The following ZNF26 variants were observed in gnomAD, a reference collection of about 807,000 sequenced individuals.
ZNF26 encodes epididymis luminal protein 179.
In ZNF26, 32 loss-of-function variants were observed where a neutral mutation model predicts 54.9. The observed-to-expected ratio is 0.58, with a 90% CI of 0.44 to 0.78. The LOEUF is 0.78. Ranked by LOEUF, ZNF26 falls within the 30% of genes least tolerant of loss-of-function variation. The pLI is 0.00. For missense variants in ZNF26, 524 were observed against 634.0 expected, an observed-to-expected ratio of 0.83 and a Z score of 1.86; for synonymous variants, 221 against 209.2, an observed-to-expected ratio of 1.06 and a Z score of -0.49.
chr12:133,000,534 C>T (rs1953190936), intron 1 of ZNF26, among the ~76,000 whole-genome samples: 1 of 151,458 alleles, frequency 6.6e-6, no homozygotes, highest in Non-Finnish European at 1.5e-5. Flanking sequence ...ACGCCATTCT[C>T]CTGCCTCAGC....
intron 3 of ZNF26, 120 bp from the exon 4 acceptor site, chr12:133,010,016 G>C (rs1953433948): frequency 9.6e-7 from 1 of 1,046,552 alleles, no homozygotes; most frequent in African/African-American, 1.6e-5. Flanking sequence ...TTTTGAACCA[G>C]TGTGGTAGGC....
rs1953472145 is a variant in ZNF26, at chr12:133,011,509, CTG to C, written c.*29_*30del. On this transcript the variant is annotated 3_prime_UTR_variant, in exon 4 of 4. Transcript: ENST00000328654. ...AATCAGAATGATGCAATGTGAGAAA[CTG>C]ATGTTCAGGAGACTTCGGATAATAT... 4 of 1,517,548 alleles carry C rather than the reference CTG, an allele frequency of 2.6e-6. No individual in the cohort carries two copies. The highest frequency in any genetic ancestry group is 1.4e-5 in the African/African-American group (1 of 71,724). The allele number at this position is 1,517,548 out of a possible 1,614,324, so 94.0% of individuals were successfully genotyped here. A position where few individuals can be genotyped will look rare whatever the true frequency, so the allele number is the denominator to read the frequency against.
chr12:133,021,573 C>T lies in ZNF26; in HGVS notation c.*10092C>T, dbSNP rs1351048521. On this transcript the variant is annotated 3_prime_UTR_variant, in exon 4 of 4. Coordinates refer to ENST00000328654, the MANE Select transcript of ZNF26 (RefSeq NM_019591.4). Reference sequence around the variant, plus strand: ...CTGAGGTTGGGCGTTTGAGAACAACCTGGCCAACATGGTGAAACCCCCGTC... The same window carrying T: ...CTGAGGTTGGGCGTTTGAGAACAACTTGGCCAACATGGTGAAACCCCCGTC... 1.3e-5 allele frequency: 2 copies of T among 151,594 alleles called. No homozygotes were observed. The highest frequency in any genetic ancestry group is 2.9e-5 in the Non-Finnish European group (2 of 67,974). 9.4% of individuals were successfully genotyped at this position (151,594 alleles called of 1,614,324 possible). A position where few individuals can be genotyped will look rare whatever the true frequency, so the allele number is the denominator to read the frequency against.
rs1953481522 is a variant in ZNF26 at position 133,011,863 on chromosome 12, T to C, written c.*382T>C. The C allele has an allele frequency of 6.3e-6, 1 of 157,946 alleles. No homozygotes were observed. Among genetic ancestry groups the C allele is most frequent in the African/African-American group, 2.4e-5 (1 of 41,554 alleles). 9.8% of individuals were successfully genotyped at this position (157,946 alleles called of 1,614,324 possible). ...TAAAATAAAATCTTGGTATGAACAG[T>C]TGACTTCATGGTGGAGTATAAAGTT... On this transcript the variant is annotated 3_prime_UTR_variant, in exon 4 of 4. Coordinates refer to ENST00000328654, the MANE Select transcript of ZNF26 (RefSeq NM_019591.4).
intron 1 of ZNF26, among the ~76,000 whole-genome samples, chr12:132,988,337 A>G (rs2137204063): frequency 6.6e-6 from 1 of 151,750 alleles, no homozygotes; most frequent in African/African-American, 2.4e-5. Flanking sequence ...CCCGGGCTCA[A>G]GGGATCCTCC....
At chr12:132,995,226 G>C (rs1052437027) in intron 1 of ZNF26, 4 of 152,786 alleles carry the variant, frequency 2.6e-5, no homozygotes, top group Admixed American at 6.5e-5. Context: ...TGATGTGGGT[G>C]TGTTGTGTAG....
rs1226426602 is a variant in ZNF26, at chr12:133,001,465, G to A, written c.34-5577G>A. ...AAAGACACAGAGTCTCCTGTTGTGC[G>A]GTGGTCAGTACCCAGAGTTATGACA... On this transcript the variant is annotated intron_variant, in intron 1 of 3. Coordinates refer to ENST00000328654, the MANE Select transcript of ZNF26 (RefSeq NM_019591.4). The surrounding 1 kb of genome is among the most constrained non-coding windows in gnomAD (Gnocchi z 4.7). Among the ~76,000 whole-genome samples the A allele has an allele frequency of 2.0e-5, 3 of 152,294 alleles. No individual in the cohort carries two copies. The highest frequency in any genetic ancestry group is 6.5e-5 in the Admixed American group (1 of 15,274).
At chr12:133,004,330 C>A (rs1953280143) in intron 1 of ZNF26, 1 of 152,146 alleles carries the variant, frequency 6.6e-6, no homozygotes. Context: ...TGATTCTCAT[C>A]TATTTGCATC....
At chr12:133,006,932 C>G in intron 1 of ZNF26, 110 bp from the exon 2 acceptor site, 13 of 1,321,732 alleles carry the variant, frequency 9.8e-6, no homozygotes, top group Non-Finnish European at 1.4e-5. Context: ...CTGAACCAGC[C>G]ACAGGAAATA....
intron 3 of ZNF26, among the ~76,000 whole-genome samples, chr12:133,009,006 A>T (rs1458298055): frequency 6.6e-6 from 1 of 151,968 alleles, no homozygotes; most frequent in Non-Finnish European, 1.5e-5. Context: ...AAATGACCAG[A>T]TCTCACAAGA....
rs1953665156 is a variant in ZNF26, at chr12:133,023,331, T to TG, written c.*11852dup. ...TCAGTGAAATATAGCAAAGCCCAGA[T>TG]GGATGTCCAATAAAATTTTAGCAAA... On this transcript the variant is annotated 3_prime_UTR_variant, in exon 4 of 4. Transcript: ENST00000328654. 1 of 152,192 alleles carries TG rather than the reference T, an allele frequency of 6.6e-6. No homozygotes were observed. The highest frequency in any genetic ancestry group is 1.5e-5 in the Non-Finnish European group (1 of 68,032). 9.4% of individuals were successfully genotyped at this position (152,192 alleles called of 1,614,324 possible). A position where few individuals can be genotyped will look rare whatever the true frequency, so the allele number is the denominator to read the frequency against.
rs1953216278 is a variant in ZNF26 at position 133,001,395 on chromosome 12, G to A, written c.34-5647G>A. Among the ~76,000 whole-genome samples the A allele has an allele frequency of 2.0e-5, 3 of 152,144 alleles. No individual in the cohort carries two copies. Among genetic ancestry groups the A allele is most frequent in the Admixed American group, 6.6e-5 (1 of 15,260 alleles). ...CTTCATTTACTTGTTGCCCTCCGACGGGGGCTCCTTCTGGGTTGGGGTGGG... is the reference window on the plus strand; with the variant it reads ...CTTCATTTACTTGTTGCCCTCCGACAGGGGCTCCTTCTGGGTTGGGGTGGG... On this transcript the variant is annotated intron_variant, in intron 1 of 3. Coordinates refer to ENST00000328654, the MANE Select transcript of ZNF26 (RefSeq NM_019591.4). This position sits in a 1 kb window ranked among gnomAD's most constrained non-coding sequence, Gnocchi z 4.7.
intron 1 of ZNF26, chr12:133,005,149 A>G (rs1162190127): frequency 5.9e-5 from 9 of 152,176 alleles, no homozygotes; most frequent in African/African-American, 2.2e-4. Context: ...TCTTATTTAT[A>G]TAAACCTACA....
chr12:133,000,355 G>A (rs1369968043), intron 1 of ZNF26, among the ~76,000 whole-genome samples: 3 of 150,770 alleles, frequency 2.0e-5, no homozygotes, highest in Admixed American at 1.3e-4. Context: ...GGGTTCAAGC[G>A]ATTCTCCTGC....
chr12:133,018,877 G>A lies in ZNF26; in HGVS notation c.*7396G>A, dbSNP rs1953601569. Reference sequence around the variant, plus strand: ...CGAAGCATCAAGATTATAGGCATGAGCCAGCGCACCTGGCCAGTAATAACA... The same window carrying A: ...CGAAGCATCAAGATTATAGGCATGAACCAGCGCACCTGGCCAGTAATAACA... On this transcript the variant is annotated 3_prime_UTR_variant, in exon 4 of 4. Coordinates refer to ENST00000328654, the MANE Select transcript of ZNF26 (RefSeq NM_019591.4). 6.6e-6 allele frequency: 1 copy of A among 152,072 alleles called. No homozygotes were observed. The highest frequency in any genetic ancestry group is 6.6e-5 in the Admixed American group (1 of 15,250). The allele number at this position is 152,072 out of a possible 1,614,324, so 9.4% of individuals were successfully genotyped here.
chr12:132,988,303 C>T (rs918122595), intron 1 of ZNF26, among the ~76,000 whole-genome samples: 1 of 151,900 alleles, frequency 6.6e-6, no homozygotes, highest in Non-Finnish European at 1.5e-5. Context: ...GTGGAACAGT[C>T]ACAACTCACT....
chr12:133,004,027 T>C (rs1953274748), intron 1 of ZNF26, among the ~76,000 whole-genome samples: 1 of 152,226 alleles, frequency 6.6e-6, no homozygotes. Flanking sequence ...TTCATTTCTT[T>C]ATTTTCTAAT....
intron 1 of ZNF26, among the ~76,000 whole-genome samples, chr12:132,996,238 T>G (rs1953080212): frequency 6.6e-6 from 1 of 152,190 alleles, no homozygotes; most frequent in Non-Finnish European, 1.5e-5. Flanking sequence ...AAACTCACTG[T>G]CCACTGGGGC....
At chr12:132,987,076 G>C (rs1952837566) in intron 1 of ZNF26, among the ~76,000 whole-genome samples, 1 of 152,184 alleles carries the variant, frequency 6.6e-6, no homozygotes, top group Non-Finnish European at 1.5e-5. Context: ...GTGGTATTCT[G>C]TGACGGGCAG....
Sources: gnomAD v4.1 joint callset for allele counts (sites outside exome capture counted in the v4.1 genomes callset) on GRCh38, gnomAD v4.1.1 for gene constraint, Gnocchi (gnomAD v3.1) non-coding constraint, MANE v1.5 for transcripts, NCBI Gene and HGNC (gene_info 2026-07-23, HGNC 2026-07-21) for gene names.